MAPKBP1: variants seen among roughly 807,000 people sequenced by gnomAD.
The protein encoded by MAPKBP1 is mitogen-activated protein kinase binding protein 1.
Under a neutral mutation model 170.5 loss-of-function variants are expected in MAPKBP1, and 71 were observed. The observed-to-expected ratio is 0.42, with a 90% confidence interval of 0.34 to 0.51. MAPKBP1 has a LOEUF of 0.51. MAPKBP1 is among the 20% of genes least tolerant of loss of function. MAPKBP1 has a pLI of 0.06. For synonymous variants in MAPKBP1, 719 were observed against 757.9 expected (o/e 0.95, Z 0.84); for missense variants, 1,598 against 1,933.0 (o/e 0.83, Z 3.25).
chr15:41,819,714 G>T, intron 22 of MAPKBP1, 64 bp downstream of exon 22: 3 of 1,505,250 alleles, frequency 2.0e-6, no homozygotes, highest in Non-Finnish European at 1.8e-6. Context: ...TGTGAGAACA[G>T]GGCTCTCTGG....
Position 41,785,839 on chromosome 15 carries a change from A to T in MAPKBP1, c.114+10450A>T, listed in dbSNP as rs568583845. Among the ~76,000 whole-genome samples the T allele has an allele frequency of 2.0e-5, 3 of 152,346 alleles. No homozygotes were observed. In the East Asian group the frequency reaches 5.8e-4, roughly 29 times the overall value. ...CTTAGAGGACAATTTGGTAATATCTATTAGAAAATTTTGCATATTCATACC... is the reference window on the plus strand; with the variant it reads ...CTTAGAGGACAATTTGGTAATATCTTTTAGAAAATTTTGCATATTCATACC... On this transcript the variant is annotated intron_variant, in intron 2 of 30. Transcript: ENST00000457542.
Position 41,823,993 on chromosome 15 carries a change from C to T in MAPKBP1, c.4145C>T (p.Pro1382Leu), listed in dbSNP as rs1388951622. ...LFQGPENLQP[P>L]PPEKTPNPME... is the part of the protein sequence containing the mutation. The stretch of plus-strand genomic sequence containing the variant: ...CAAGGCCCTGAAAACTTGCAGCCCC[C>T]ACCCCCTGAGAAGACTCCCAACCCC... The change falls in exon 29 of 31, where the codon CCA becomes CTA. Residue 1382 changes from proline (P) to leucine (L), a missense_variant. Around this residue, in one of 6 missense-constraint regions of MAPKBP1, gnomAD observed 942 missense variants for 953.2 expected, o/e 0.99. Transcript: ENST00000457542. The T allele has an allele frequency of 2.5e-6, 4 of 1,613,558 alleles. No homozygotes were observed. Among genetic ancestry groups the T allele is most frequent in the Middle Eastern group, 1.6e-4 (1 of 6,062 alleles).
intron 2 of MAPKBP1, among the ~76,000 whole-genome samples, chr15:41,783,964 G>A (rs1051033904): frequency 4.6e-5 from 7 of 152,042 alleles, no homozygotes; most frequent in East Asian, 1.9e-4. Context: ...AGCCGAGATC[G>A]CGCCACTGCA....
At chr15:41,788,790 A>T (rs1251041106) in intron 2 of MAPKBP1, among the ~76,000 whole-genome samples, 1 of 152,228 alleles carries the variant, frequency 6.6e-6, no homozygotes, top group Non-Finnish European at 1.5e-5. Context: ...AGTTGACAGG[A>T]AGGAGTGACT....
intron 2 of MAPKBP1, among the ~76,000 whole-genome samples, chr15:41,777,939 T>C (rs2064124691): frequency 6.6e-6 from 1 of 152,258 alleles, no homozygotes; most frequent in Non-Finnish European, 1.5e-5. Flanking sequence ...TGAATTATAC[T>C]GTTCTTTCTA....
chr15:41,779,674 G>T (rs2064152482), intron 2 of MAPKBP1, among the ~76,000 whole-genome samples: 2 of 152,210 alleles, frequency 1.3e-5, no homozygotes, highest in Non-Finnish European at 2.9e-5. Flanking sequence ...GGGACTAGTG[G>T]TGCTTGCCTC....
intron 3 of MAPKBP1, among the ~76,000 whole-genome samples, chr15:41,806,371 ACAATT>A (rs2064694042): frequency 6.6e-6 from 1 of 152,168 alleles, no homozygotes. Flanking sequence ...CTGAAAGAAA[ACAATT>A]CAAAGGCCCA....
intron 24 of MAPKBP1, 26 bp from the exon 25 acceptor site, chr15:41,821,939 T>C: frequency 6.2e-7 from 1 of 1,606,276 alleles, no homozygotes; most frequent in East Asian, 2.2e-5. Flanking sequence ...CACTGCCTTT[T>C]CTTCTCCCTG....
At chr15:41,819,734 G>A in intron 22 of MAPKBP1, 84 bp downstream of exon 22, 1 of 1,395,632 alleles carries the variant, frequency 7.2e-7, no homozygotes, top group Non-Finnish European at 9.9e-7. Context: ...GGCCTGGTAG[G>A]GTACTGGGGC....
At position 41,817,553 on chromosome 15, in the gene MAPKBP1, G is replaced by A; in HGVS notation, c.1783-61G>A. The A allele has an allele frequency of 6.2e-7, 1 of 1,613,530 alleles. No homozygotes were observed. Among genetic ancestry groups the A allele is most frequent in the Non-Finnish European group, 8.5e-7 (1 of 1,179,536 alleles). ...AAGAGGTGAAGGGAGGCGCAAGTAG[G>A]GCTCTTGGGGCCTGGTGAGGCATTT... On this transcript the variant is annotated intron_variant, in intron 15 of 30. Coordinates refer to ENST00000457542, the MANE Select transcript of MAPKBP1 (RefSeq NM_014994.3). This position sits in a 1 kb window ranked among gnomAD's most constrained non-coding sequence, Gnocchi z 4.2.
At chr15:41,783,079 C>T (rs1315160997) in intron 2 of MAPKBP1, among the ~76,000 whole-genome samples, 3 of 152,164 alleles carry the variant, frequency 2.0e-5, no homozygotes, top group Admixed American at 1.3e-4. Context: ...AAGCCACAAG[C>T]GGTTGCTGCT....
rs761156464 is a variant in MAPKBP1 at position 41,813,082 on chromosome 15, A to G, written c.800A>G (p.Asp267Gly). 1.2e-6 allele frequency: 2 copies of G among 1,607,814 alleles called. No individual in the cohort carries two copies. The highest frequency in any genetic ancestry group is 1.7e-4 in the Middle Eastern group (1 of 6,030). Reference sequence around the variant, plus strand: ...GAGTTCAGTGATCGAAGGCTTTTGGACAAGTGGGTGGAGCTGAGGGTAAGT... The same window carrying G: ...GAGTTCAGTGATCGAAGGCTTTTGGGCAAGTGGGTGGAGCTGAGGGTAAGT... Reference protein sequence around the residue: ...LCEFSDRRLLDKWVELRTTVA... With the variant: ...LCEFSDRRLLGKWVELRTTVA... Residue 267 changes from aspartate (D) to glycine (G), a missense_variant, in exon 8 of 31, where the codon GAC becomes GGC. Around this residue, in one of 6 missense-constraint regions of MAPKBP1, gnomAD observed 430 missense variants for 617.2 expected, o/e 0.70. Transcript: ENST00000457542.
intron 2 of MAPKBP1, among the ~76,000 whole-genome samples, chr15:41,789,298 A>G (rs1457757381): frequency 6.6e-6 from 1 of 151,986 alleles, no homozygotes. Flanking sequence ...AGAGGAAAAA[A>G]AAAAACTACA....
Position 41,812,990 on chromosome 15 carries a change from T to C in MAPKBP1, c.708T>C (p.Asp236=). ...AGCTACGGAACAACCTATTCACTGA[T>C]GTGGCCTGTGGCAGAGGAAAAAAGG... ...LGELRNNLFT[D]VACGRGKKAD... is the part of the protein sequence containing the mutation. Residue 236 remains aspartate, a synonymous_variant, in exon 8 of 31, where the codon GAT becomes GAC. Coordinates refer to ENST00000457542, the MANE Select transcript of MAPKBP1 (RefSeq NM_014994.3). 1 of 1,613,992 alleles carries C rather than the reference T, an allele frequency of 6.2e-7. No individual in the cohort carries two copies.
In MAPKBP1 at chr15:41,775,385, C is replaced by T; in HGVS notation, c.110C>T (p.Ser37Phe). 6.2e-7 allele frequency: 1 copy of T among 1,612,320 alleles called. No homozygotes were observed. The highest frequency in any genetic ancestry group is 8.5e-7 in the Non-Finnish European group (1 of 1,178,294). ...GGAAACCGACGAGAGGACCTCAGCT[C>T]CAAGGTGAGTCCTGTTGGGATCCAC... ...KAGNRREDLS[S>F]KVTLEKVLGI... is the part of the protein sequence containing the mutation. Residue 37 changes from serine (S) to phenylalanine (F), a missense_variant, in exon 2 of 31, where the codon TCC (serine) becomes TTC (phenylalanine). Ser to Phe is a radical substitution (Grantham distance 155). Coordinates refer to ENST00000457542, the MANE Select transcript of MAPKBP1 (RefSeq NM_014994.3).
At chr15:41,795,961 T>C (rs2064481441) in intron 2 of MAPKBP1, among the ~76,000 whole-genome samples, 1 of 152,136 alleles carries the variant, frequency 6.6e-6, no homozygotes, top group Admixed American at 6.6e-5. Context: ...GAGAAAAGAC[T>C]ATAGGGGGTA....
intron 3 of MAPKBP1, among the ~76,000 whole-genome samples, chr15:41,806,537 G>A (rs1242588292): frequency 6.6e-6 from 1 of 152,196 alleles, no homozygotes; most frequent in Admixed American, 6.5e-5. Context: ...ACCTGTGTAG[G>A]GAAGGGGGAT....
intron 2 of MAPKBP1, among the ~76,000 whole-genome samples, chr15:41,777,674 A>C (rs565191296): frequency 6.6e-6 from 1 of 152,004 alleles, no homozygotes; most frequent in Non-Finnish European, 1.5e-5. Context: ...GACTCCCCAC[A>C]CTCCTTAGTA....
In MAPKBP1 at chr15:41,775,359, A is replaced by G; in HGVS notation, c.84A>G (p.Ala28=). 6.2e-7 allele frequency: 1 copy of G among 1,614,212 alleles called. No homozygotes were observed. Among genetic ancestry groups the G allele is most frequent in the Non-Finnish European group, 8.5e-7 (1 of 1,180,036 alleles). ...SPSIKLRRSK[A]GNRREDLSSK... ...CCATCAAACTGCGCAGGAGTAAGGCAGGAAACCGACGAGAGGACCTCAGCT... is the reference window on the plus strand; with the variant it reads ...CCATCAAACTGCGCAGGAGTAAGGCGGGAAACCGACGAGAGGACCTCAGCT... Residue 28 remains alanine (A), a synonymous_variant, in exon 2 of 31, where the codon GCA becomes GCG. Transcript: ENST00000457542.
Sources: gnomAD v4.1 joint callset for allele counts (sites outside exome capture counted in the v4.1 genomes callset) on GRCh38, gnomAD v4.1.1 for gene constraint, gnomAD v4.1.1 regional missense constraint, Gnocchi (gnomAD v3.1) non-coding constraint, MANE v1.5 for transcripts, NCBI Gene and HGNC (gene_info 2026-07-23, HGNC 2026-07-21) for gene names.